The following NTNG1 variants were observed in gnomAD, a reference collection of about 807,000 sequenced individuals.
NTNG1 encodes the protein netrin-G1.
Under a neutral mutation model 54.0 loss-of-function variants are expected in NTNG1, and 16 were observed. The ratio of observed to expected loss-of-function variants is 0.30; its 90% CI spans 0.20 to 0.45. The LOEUF (loss-of-function observed/expected upper bound fraction) is 0.45. Ranked by LOEUF, NTNG1 falls within the 20% of genes least tolerant of loss-of-function variation. The pLI is 1.00. For synonymous variants in NTNG1, 255 were observed against 263.1 expected, an observed-to-expected ratio of 0.97 and a Z score of 0.30; for missense variants, 530 against 678.7, an observed-to-expected ratio of 0.78 and a Z score of 2.43.
intron 2 of NTNG1, among the ~76,000 whole-genome samples, chr1:107,291,251 C>A (rs1289378518): frequency 6.6e-6 from 1 of 151,938 alleles, no homozygotes; most frequent in Non-Finnish European, 1.5e-5. Context: ...ATTTTCTTAA[C>A]ATTTTCTTTT....
chr1:107,413,796 G>A (rs1286756488), intron 5 of NTNG1, among the ~76,000 whole-genome samples: 1 of 152,140 alleles, frequency 6.6e-6, no homozygotes, highest in Non-Finnish European at 1.5e-5. Flanking sequence ...AATAATGACA[G>A]AGCCAGAATT....
intron 2 of NTNG1, among the ~76,000 whole-genome samples, chr1:107,206,292 T>A (rs1017526227): frequency 6.6e-6 from 1 of 152,192 alleles, no homozygotes; most frequent in Non-Finnish European, 1.5e-5. Flanking sequence ...CATATCCTCA[T>A]GAACATTTGA....
intron 2 of NTNG1, among the ~76,000 whole-genome samples, chr1:107,321,771 G>A (rs1379286051): frequency 6.6e-6 from 1 of 152,052 alleles, no homozygotes; most frequent in East Asian, 1.9e-4. Flanking sequence ...GAACTTATTT[G>A]GTCTTAGACA....
At chr1:107,303,841 C>T (rs1382241284) in intron 2 of NTNG1, among the ~76,000 whole-genome samples, 1 of 152,096 alleles carries the variant, frequency 6.6e-6, no homozygotes, top group African/African-American at 2.4e-5. Flanking sequence ...CGCACGCCAC[C>T]ACACCTGGCT....
At chr1:107,454,539 T>A (rs892245215) in intron 7 of NTNG1, among the ~76,000 whole-genome samples, 1 of 151,664 alleles carries the variant, frequency 6.6e-6, no homozygotes, top group East Asian at 2.0e-4. Context: ...ATCCTGTGTC[T>A]TTTTACCAAA....
At chr1:107,323,547 TA>T (rs1667774011) in intron 2 of NTNG1, among the ~76,000 whole-genome samples, 1 of 151,472 alleles carries the variant, frequency 6.6e-6, no homozygotes, top group South Asian at 2.1e-4. Flanking sequence ...AACAGCCTCC[TA>T]ACTGAGTAGT....
At chr1:107,338,272 C>T (rs923417562) in intron 3 of NTNG1, among the ~76,000 whole-genome samples, 7 of 151,954 alleles carry the variant, frequency 4.6e-5, no homozygotes, top group Admixed American at 4.6e-4. Flanking sequence ...TTGCCCCTAA[C>T]ATTTGCAAGG....
intron 2 of NTNG1, among the ~76,000 whole-genome samples, chr1:107,261,770 G>A (rs1353467322): frequency 6.6e-6 from 1 of 152,220 alleles, no homozygotes. Context: ...GTGAACCCGG[G>A]AGGCGGAGCT....
chr1:107,451,108 C>CT (rs55906603), intron 7 of NTNG1, among the ~76,000 whole-genome samples: 39,122 of 138,266 alleles, frequency 0.28, 5,648 homozygotes, highest in Non-Finnish European at 0.31. Context: ...TTCTTTCTTT[C>CT]TTTTTTTTTT....
intron 2 of NTNG1, among the ~76,000 whole-genome samples, chr1:107,176,577 CTG>C (rs1242979610): frequency 1.3e-5 from 2 of 152,122 alleles, no homozygotes; most frequent in African/African-American, 2.4e-5. Context: ...CTTAAGGGTG[CTG>C]TGATACTTAC....
chr1:107,376,809 C>A (rs540177782), intron 3 of NTNG1, among the ~76,000 whole-genome samples: 1 of 151,916 alleles, frequency 6.6e-6, no homozygotes, highest in Non-Finnish European at 1.5e-5. Flanking sequence ...CTTTTGCTGC[C>A]CCCCCAGCCA....
At position 107,178,988 on chromosome 1, in the gene NTNG1, C is replaced by T. The variant is rs1656861842; in HGVS notation, c.246+30149C>T. On this transcript the variant is annotated intron_variant, in intron 2 of 7. Transcript: ENST00000370068. Reference sequence around the variant, plus strand: ...GGACATAGCATATGTTATTTCCACTCATATTTCAATATGTCCAAGCTTGAC... The same window carrying T: ...GGACATAGCATATGTTATTTCCACTTATATTTCAATATGTCCAAGCTTGAC... Among the ~76,000 whole-genome samples, 4 of 152,182 alleles carry T rather than the reference C, an allele frequency of 2.6e-5. No homozygotes were observed. The South Asian group carries it at 8.3e-4, about 32-fold the overall frequency.
intron 2 of NTNG1, among the ~76,000 whole-genome samples, chr1:107,281,401 A>AT (rs1246790966): frequency 1.3e-5 from 2 of 152,124 alleles, no homozygotes; most frequent in Non-Finnish European, 2.9e-5. Flanking sequence ...CTAAAAAAAA[A>AT]GAAAAATGAA....
At chr1:107,323,921 G>A (rs1667796952) in intron 2 of NTNG1, among the ~76,000 whole-genome samples, 1 of 152,046 alleles carries the variant, frequency 6.6e-6, no homozygotes, top group Non-Finnish European at 1.5e-5. Flanking sequence ...TTCAGGCAGG[G>A]AGGAATTTCC....
chr1:107,263,272 G>GCTTCCTTC (rs58443542), intron 2 of NTNG1, among the ~76,000 whole-genome samples: 2,129 of 146,258 alleles, frequency 0.015, 52 homozygotes, highest in African/African-American at 0.049. Flanking sequence ...AGGTTAGCTT[G>GCTTCCTTC]CTTCCTTCCT....
intron 7 of NTNG1, among the ~76,000 whole-genome samples, chr1:107,457,529 A>T (rs933625793): frequency 2.0e-5 from 3 of 152,326 alleles, no homozygotes; most frequent in East Asian, 3.9e-4. Context: ...TAAAACATAT[A>T]TGTGTCTATC....
intron 3 of NTNG1, among the ~76,000 whole-genome samples, chr1:107,353,873 A>G (rs1311779474): frequency 6.6e-6 from 1 of 152,226 alleles, no homozygotes; most frequent in Non-Finnish European, 1.5e-5. Context: ...AAAACAGAGC[A>G]GATGTCTTAC....
At chr1:107,342,442 T>A (rs1323843373) in intron 3 of NTNG1, among the ~76,000 whole-genome samples, 2 of 152,148 alleles carry the variant, frequency 1.3e-5, no homozygotes, top group African/African-American at 4.8e-5. Flanking sequence ...CATTGAAATA[T>A]GTGTCTTTGC....
intron 7 of NTNG1, among the ~76,000 whole-genome samples, chr1:107,475,847 G>A (rs1482070028): frequency 1.3e-5 from 2 of 152,112 alleles, no homozygotes; most frequent in African/African-American, 2.4e-5. Context: ...GTGGCCAGTA[G>A]TGTGCCCTCC....
Sources: gnomAD v4.1 joint callset for allele counts (sites outside exome capture counted in the v4.1 genomes callset) on GRCh38, gnomAD v4.1.1 for gene constraint, MANE v1.5 for transcripts, NCBI Gene and HGNC (gene_info 2026-07-23, HGNC 2026-07-21) for gene names.